Variants in GCG observed in about 807,000 individuals in gnomAD.
GCG encodes pro-glucagon.
A neutral mutation model predicts 22.8 loss-of-function variants in GCG; 11 were observed. The observed-to-expected ratio is 0.48, with a 90% confidence interval of 0.30 to 0.80. The LOEUF (loss-of-function observed/expected upper bound fraction) is 0.80, where lower values mean the gene tolerates loss of function less well. Among genes scored for constraint, GCG ranks in the 30% least tolerant of loss-of-function variants. GCG has a pLI of 0.06. For synonymous variants in GCG, 89 were observed against 72.4 expected (o/e 1.23, Z -1.16); for missense variants, 222 against 222.0 (o/e 1.00, Z 0.00).
At chr2:162,147,742 T>G in intron 2 of GCG, 1 of 558,934 alleles carries the variant, frequency 1.8e-6, no homozygotes, top group Non-Finnish European at 3.2e-6. Context: ...GTTTCTCAAC[T>G]GACTTCTTTT....
At chr2:162,143,951 G>T in intron 5 of GCG, 76 bp downstream of exon 5, 2 of 1,265,006 alleles carry the variant, frequency 1.6e-6, no homozygotes, top group Non-Finnish European at 2.3e-6. Context: ...CCTACATGGG[G>T]AACAGCTTGC....
At chr2:162,145,865 A>G (rs1428829648) in intron 3 of GCG, among the ~76,000 whole-genome samples, 188 bp from the exon 4 acceptor site, 3 of 152,070 alleles carry the variant, frequency 2.0e-5, no homozygotes, top group Non-Finnish European at 4.4e-5. Context: ...GGTGGAAGAG[A>G]GCTAATAACA....
chr2:162,146,484 C>T (rs943338206), intron 3 of GCG, among the ~76,000 whole-genome samples: 5 of 151,682 alleles, frequency 3.3e-5, no homozygotes, highest in Non-Finnish European at 7.4e-5. Context: ...GTACCCTCTA[C>T]TTTAAGAACC....
intron 1 of GCG, among the ~76,000 whole-genome samples, chr2:162,149,853 C>CT (rs1686788737): frequency 6.6e-6 from 1 of 152,042 alleles, no homozygotes; most frequent in Non-Finnish European, 1.5e-5. Context: ...GCAACAAGAA[C>CT]TAATGCTTCT....
chr2:162,147,787 T>G (rs992977832), intron 2 of GCG, among the ~76,000 whole-genome samples: 2 of 152,218 alleles, frequency 1.3e-5, no homozygotes, highest in African/African-American at 4.8e-5. Flanking sequence ...CTTTTTCTAC[T>G]AATTAATCTA....
intron 3 of GCG, among the ~76,000 whole-genome samples, chr2:162,146,532 T>G (rs1686687501): frequency 7.7e-6 from 1 of 129,716 alleles, no homozygotes; most frequent in Non-Finnish European, 1.6e-5. Context: ...TCCTCCTGCT[T>G]GCTTGTTCTC....
chr2:162,144,291 A>G, intron 4 of GCG, 121 bp from the exon 5 acceptor site: 1 of 797,626 alleles, frequency 1.3e-6, no homozygotes, highest in Non-Finnish European at 2.1e-6. Flanking sequence ...TTCTGTTTTT[A>G]AAGGGTGTAC....
At chr2:162,146,859 T>C (rs1459710237) in intron 3 of GCG, among the ~76,000 whole-genome samples, 3 of 152,142 alleles carry the variant, frequency 2.0e-5, no homozygotes, top group East Asian at 3.9e-4. Context: ...CTTCTCTCTC[T>C]ATGCTGTGCA....
At chr2:162,148,608 A>G (rs1387383209) in intron 2 of GCG, among the ~76,000 whole-genome samples, 1 of 152,140 alleles carries the variant, frequency 6.6e-6, no homozygotes, top group Non-Finnish European at 1.5e-5. Context: ...AAAGTAATAC[A>G]CCAAATTTGT....
At chr2:162,145,788 G>GC in intron 3 of GCG, 111 bp from the exon 4 acceptor site, 3 of 741,446 alleles carry the variant, frequency 4.0e-6, no homozygotes, top group Admixed American at 2.6e-5. Context: ...GGGGCTTAGG[G>GC]AGTTTAGGAG....
At chr2:162,148,450 A>G (rs1352041480) in intron 2 of GCG, among the ~76,000 whole-genome samples, 1 of 152,118 alleles carries the variant, frequency 6.6e-6, no homozygotes, top group Non-Finnish European at 1.5e-5. Context: ...GAGATGAAAC[A>G]GTATGCTGCC....
chr2:162,147,049 A>T (rs964571259), intron 3 of GCG, among the ~76,000 whole-genome samples: 2 of 152,170 alleles, frequency 1.3e-5, no homozygotes, highest in African/African-American at 4.8e-5. Flanking sequence ...TCGTAGGTCC[A>T]CAAAAGTAAA....
chr2:162,143,407 A>G, intron 5 of GCG, 37 bp from the exon 6 acceptor site: 1 of 807,448 alleles, frequency 1.2e-6, no homozygotes, highest in Non-Finnish European at 2.0e-6. Context: ...TAACATAATT[A>G]TAATAAGATG....
intron 1 of GCG, among the ~76,000 whole-genome samples, 168 bp from the exon 2 acceptor site, chr2:162,149,355 G>A (rs532797793): frequency 6.9e-4 from 105 of 152,152 alleles, no homozygotes; most frequent in African/African-American, 2.5e-3. Context: ...TAAATAGTGG[G>A]TTATATTATT....
At position 162,143,359 on chromosome 2, in the gene GCG, T is replaced by G. The variant is rs1686598849; in HGVS notation, c.*5A>C. On this transcript the variant is annotated 3_prime_UTR_variant, in exon 6 of 6. Coordinates refer to ENST00000418842, the MANE Select transcript of GCG (RefSeq NM_002054.5). ...TTGTGAAGATGATCTTGAATAGTGA[T>G]ATAGTTATTTCCTAGAGATTAAAAA... 1 of 1,230,346 alleles carries G rather than the reference T, an allele frequency of 8.1e-7. No individual in the cohort carries two copies. The highest frequency in any genetic ancestry group is 1.1e-6 in the Non-Finnish European group (1 of 874,038). The allele number at this position is 1,230,346 out of a possible 1,614,324, so 76.2% of individuals were successfully genotyped here. A position where few individuals can be genotyped will look rare whatever the true frequency, so the allele number is the denominator to read the frequency against.
At chr2:162,147,833 T>A (rs1332354087) in intron 2 of GCG, among the ~76,000 whole-genome samples, 1 of 152,150 alleles carries the variant, frequency 6.6e-6, no homozygotes, top group Non-Finnish European at 1.5e-5. Flanking sequence ...AAGAGAGTAG[T>A]GACTTGAATA....
Position 162,144,135 on chromosome 2 carries a change from C to A in GCG, c.428G>T (p.Gly143Val). The change falls in exon 5 of 6, where the codon GGC becomes GTC. Residue 143 changes from glycine to valine, a missense_variant. By Grantham distance (109) the Gly-to-Val change is moderately radical (BLOSUM62 -3). Coordinates refer to ENST00000418842, the MANE Select transcript of GCG (RefSeq NM_002054.5). The stretch of plus-strand genomic sequence containing the variant: ...GAAAGAACCATCAGCATGTCTGCGG[C>A]CAAGTTCTTCAACAATGGCGACCTC... The part of the protein sequence containing the change: ...PEEVAIVEEL[G>V]RRHADGSFSD... 1 of 1,611,990 alleles carries A rather than the reference C, an allele frequency of 6.2e-7. No individual in the cohort carries two copies.
Position 162,143,265 on chromosome 2 carries a change from C to G in GCG, c.*99G>C. The G allele has an allele frequency of 1.9e-6, 1 of 512,916 alleles. No individual in the cohort carries two copies. The highest frequency in any genetic ancestry group is 5.3e-5 in the South Asian group (1 of 18,706). The allele number at this position is 512,916 out of a possible 1,614,324, so 31.8% of individuals were successfully genotyped here. A position where few individuals can be genotyped will look rare whatever the true frequency, so the allele number is the denominator to read the frequency against. On this transcript the variant is annotated 3_prime_UTR_variant, in exon 6 of 6. Transcript: ENST00000418842. ...TTTATTGGCATGCAAAGCAATGTGG[C>G]CTCAGAATACACCTCTTAAATTTAC...
At chr2:162,147,020 A>AC (rs1686705114) in intron 3 of GCG, among the ~76,000 whole-genome samples, 2 of 152,250 alleles carry the variant, frequency 1.3e-5, no homozygotes, top group African/African-American at 4.8e-5. Flanking sequence ...ATCTTTTGGT[A>AC]GAAATTAGAT....
Sources: allele counts gnomAD v4.1 joint callset (sites outside exome capture counted in the v4.1 genomes callset), GRCh38; gene constraint gnomAD v4.1.1; transcripts MANE v1.5; gene names NCBI Gene and HGNC (gene_info 2026-07-23, HGNC 2026-07-21).